The following DPP10 variants were observed in gnomAD, a reference collection of about 807,000 sequenced individuals.
The protein encoded by DPP10 is dipeptidyl peptidase like 10.
DPP10 carries 33 observed loss-of-function variants against 120.9 expected under a neutral mutation model. That is an observed-to-expected ratio of 0.27 (90% CI 0.21 to 0.37). The LOEUF is 0.37. Among genes scored for constraint, DPP10 ranks in the 10% least tolerant of loss-of-function variants. The pLI is 1.00. For missense variants in DPP10, 816 were observed against 942.8 expected (o/e 0.87, Z 1.76); for synonymous variants, 337 against 326.1 (o/e 1.03, Z -0.36).
intron 1 of DPP10, among the ~76,000 whole-genome samples, chr2:114,917,448 CA>C (rs1243957934): frequency 6.6e-6 from 1 of 151,534 alleles, no homozygotes; most frequent in Non-Finnish European, 1.5e-5. Flanking sequence ...TCATTTTTGA[CA>C]AAATTAGAAA....
chr2:115,402,931 A>ATG (rs757840827), intron 3 of DPP10, among the ~76,000 whole-genome samples: 1 of 123,042 alleles, frequency 8.1e-6, no homozygotes, highest in Non-Finnish European at 1.6e-5. Context: ...ATATATATGT[A>ATG]TATATATATG....
intron 5 of DPP10, among the ~76,000 whole-genome samples, chr2:115,602,705 A>C (rs2083410834): frequency 6.6e-6 from 1 of 152,172 alleles, no homozygotes; most frequent in South Asian, 2.1e-4. Flanking sequence ...TTGAGGGCTC[A>C]CTCATGGCAC....
At chr2:115,209,951 G>A (rs77983742) in intron 1 of DPP10, among the ~76,000 whole-genome samples, 2,988 of 152,230 alleles carry the variant, frequency 0.02, 54 homozygotes, top group Non-Finnish European at 0.032. Context: ...ACTTTGAGGT[G>A]GAGGATTGTT....
intron 1 of DPP10, among the ~76,000 whole-genome samples, chr2:115,071,119 T>C (rs893336875): frequency 1.3e-5 from 2 of 152,220 alleles, no homozygotes; most frequent in Non-Finnish European, 2.9e-5. Flanking sequence ...AACACTTATC[T>C]TAGGAATTCA....
intron 5 of DPP10, among the ~76,000 whole-genome samples, chr2:115,590,581 G>T (rs1395829396): frequency 4.6e-5 from 7 of 152,130 alleles, no homozygotes; most frequent in Non-Finnish European, 1.5e-5. Context: ...TGGACATTTG[G>T]GTTGGTTCCA....
intron 1 of DPP10, among the ~76,000 whole-genome samples, chr2:114,452,657 T>C (rs1176548768): frequency 1.3e-5 from 2 of 152,092 alleles, no homozygotes; most frequent in African/African-American, 4.8e-5. Context: ...TGCTTTTCAT[T>C]GAAAGCATCA....
intron 5 of DPP10, among the ~76,000 whole-genome samples, chr2:115,638,593 A>G (rs987178041): frequency 6.6e-6 from 1 of 152,144 alleles, no homozygotes; most frequent in African/African-American, 2.4e-5. Context: ...TGCCTGGAGG[A>G]TTCTGTGTAT....
intron 1 of DPP10, among the ~76,000 whole-genome samples, chr2:115,217,606 GGACTTGC>G (rs1379955428): frequency 6.6e-6 from 1 of 151,960 alleles, no homozygotes; most frequent in East Asian, 1.9e-4. Context: ...GCCACCAGTG[GGACTTGC>G]CAGATACACA....
chr2:114,919,721 A>G (rs1695060433), intron 1 of DPP10, among the ~76,000 whole-genome samples: 2 of 152,198 alleles, frequency 1.3e-5, no homozygotes, highest in African/African-American at 2.4e-5. Context: ...TTCAATAACT[A>G]TTACAATCAA....
chr2:115,161,942 C>G, intron 1 of DPP10: 3 of 1,440,426 alleles, frequency 2.1e-6, no homozygotes, highest in Non-Finnish European at 2.7e-6. Flanking sequence ...CGAGCGCCAG[C>G]GCGGGCCGCC....
chr2:114,884,044 T>C (rs1691859152), intron 1 of DPP10, among the ~76,000 whole-genome samples: 1 of 152,260 alleles, frequency 6.6e-6, no homozygotes, highest in African/African-American at 2.4e-5. Context: ...TCACTTTTTT[T>C]TTCTAATTGC....
At chr2:115,631,209 T>C (rs187314903) in intron 5 of DPP10, among the ~76,000 whole-genome samples, 87 of 152,232 alleles carry the variant, frequency 5.7e-4, no homozygotes, top group African/African-American at 2.0e-3. Context: ...TTTATTTGCA[T>C]AGGGGTATTT....
chr2:115,071,379 A>G (rs1707355965), intron 1 of DPP10, among the ~76,000 whole-genome samples: 1 of 152,278 alleles, frequency 6.6e-6, no homozygotes, highest in African/African-American at 2.4e-5. Flanking sequence ...TCTAGGTTCC[A>G]TTGCTCACTG....
intron 5 of DPP10, among the ~76,000 whole-genome samples, chr2:115,539,920 A>T (rs928591345): frequency 2.0e-5 from 3 of 151,808 alleles, no homozygotes; most frequent in African/African-American, 7.2e-5. Context: ...TATGATTCCT[A>T]GTTGGAGTTT....
At chr2:114,873,520 G>A (rs753597480) in intron 1 of DPP10, among the ~76,000 whole-genome samples, 1 of 152,094 alleles carries the variant, frequency 6.6e-6, no homozygotes, top group Non-Finnish European at 1.5e-5. Context: ...TATGTATCAG[G>A]ACAACTGAAT....
intron 1 of DPP10, among the ~76,000 whole-genome samples, chr2:114,593,918 C>T (rs1691669372): frequency 6.6e-6 from 1 of 152,170 alleles, no homozygotes; most frequent in Admixed American, 6.6e-5. Flanking sequence ...CGGTTGTGAT[C>T]TTTCTCACTG....
chr2:114,974,908 G>A (rs192635708), intron 1 of DPP10, among the ~76,000 whole-genome samples: 161 of 151,800 alleles, frequency 1.1e-3, no homozygotes, highest in East Asian at 1.9e-3. Context: ...AAAATCTGTC[G>A]TATCCATAAA....
chr2:115,216,885 ATATG>A, intron 1 of DPP10, among the ~76,000 whole-genome samples: 1 of 152,040 alleles, frequency 6.6e-6, no homozygotes, highest in African/African-American at 2.4e-5. Context: ...ATACGTGTAT[ATATG>A]TGTATACGTA....
At chr2:114,992,245 A>G (rs969424028) in intron 1 of DPP10, among the ~76,000 whole-genome samples, 1 of 152,200 alleles carries the variant, frequency 6.6e-6, no homozygotes, top group Admixed American at 6.5e-5. Context: ...ATGAAAATGC[A>G]TTCTTCTGCA....
Sources: gnomAD v4.1 joint callset for allele counts (sites outside exome capture counted in the v4.1 genomes callset) on GRCh38, gnomAD v4.1.1 for gene constraint, MANE v1.5 for transcripts, NCBI Gene and HGNC (gene_info 2026-07-23, HGNC 2026-07-21) for gene names.